Variants in TLN2 observed in about 807,000 individuals in gnomAD.
The protein encoded by TLN2 is talin 2, also known as talin-2.
A neutral mutation model predicts 294.7 loss-of-function variants in TLN2; 118 were observed. The observed-to-expected ratio is 0.40, with a 90% CI of 0.34 to 0.47. The LOEUF (loss-of-function observed/expected upper bound fraction) is 0.47, where lower values mean the gene tolerates loss of function less well. Ranked by LOEUF, TLN2 falls within the 20% of genes least tolerant of loss-of-function variation. The probability of loss-of-function intolerance (pLI) is 0.84; values close to 1 mark genes in which losing one functional copy is unlikely to be tolerated. For synonymous variants in TLN2, 1,431 were observed against 1,304.5 expected, an observed-to-expected ratio of 1.10 and a Z score of -2.09; for missense variants, 3,083 against 3,282.2, an observed-to-expected ratio of 0.94 and a Z score of 1.48.
intron 19 of TLN2, among the ~76,000 whole-genome samples, chr15:62,706,133 C>T (rs931735354): frequency 2.0e-5 from 3 of 152,140 alleles, no homozygotes; most frequent in African/African-American, 4.8e-5. Flanking sequence ...GACTTCTGAC[C>T]GTATTTCCTT....
chr15:62,485,081 A>G (rs1024969162), intron 1 of TLN2, among the ~76,000 whole-genome samples: 1 of 152,114 alleles, frequency 6.6e-6, no homozygotes, highest in African/African-American at 2.4e-5. Context: ...GCTATGTGGT[A>G]TCTCTCTCTG....
chr15:62,701,226 A>G lies in TLN2; in HGVS notation c.1696+12A>G. 1 of 1,606,670 alleles carries G rather than the reference A, an allele frequency of 6.2e-7. No individual in the cohort carries two copies. Among genetic ancestry groups the G allele is most frequent in the Non-Finnish European group, 8.5e-7 (1 of 1,174,358 alleles). On this transcript the variant is annotated intron_variant, in intron 17 of 58. Coordinates refer to ENST00000636159, the MANE Select transcript of TLN2 (RefSeq NM_015059.3). The stretch of plus-strand genomic sequence containing the variant: ...TAACCTCACAGCTGGTAAGTCCCGG[A>G]GAGATTTGTGCTGCATTGGGGTTTT...
intron 51 of TLN2, among the ~76,000 whole-genome samples, chr15:62,808,829 C>T (rs2066473859): frequency 6.6e-6 from 1 of 152,192 alleles, no homozygotes; most frequent in Admixed American, 6.5e-5. Context: ...TGAGGAAAAG[C>T]TGGCTCATAC....
chr15:62,792,862 A>C, intron 46 of TLN2, 75 bp downstream of exon 46: 1 of 1,573,552 alleles, frequency 6.4e-7, no homozygotes, highest in Non-Finnish European at 8.6e-7. Flanking sequence ...TCAAGGACAA[A>C]AGCAGGAAAC....
chr15:62,594,978 A>C (rs2046364258), intron 2 of TLN2, among the ~76,000 whole-genome samples: 1 of 152,258 alleles, frequency 6.6e-6, no homozygotes, highest in African/African-American at 2.4e-5. Flanking sequence ...AAAATGAGCA[A>C]AGAATCTGAA....
At chr15:62,529,768 A>T (rs1206181453) in intron 1 of TLN2, among the ~76,000 whole-genome samples, 1 of 152,242 alleles carries the variant, frequency 6.6e-6, no homozygotes. Flanking sequence ...AAATCTTTGC[A>T]CATAAGTAAA....
intron 51 of TLN2, among the ~76,000 whole-genome samples, chr15:62,806,227 C>T (rs543615195): frequency 2.4e-4 from 36 of 152,110 alleles, no homozygotes; most frequent in Non-Finnish European, 3.2e-4. Flanking sequence ...ATATGGCATA[C>T]GCACCAGCCT....
chr15:62,505,697 G>A (rs1221897971), intron 1 of TLN2, among the ~76,000 whole-genome samples: 1 of 152,170 alleles, frequency 6.6e-6, no homozygotes, highest in Non-Finnish European at 1.5e-5. Flanking sequence ...CCTGTGCTTG[G>A]TTAAGAATTG....
At chr15:62,471,487 T>C (rs1408492016) in intron 1 of TLN2, among the ~76,000 whole-genome samples, 1 of 152,254 alleles carries the variant, frequency 6.6e-6, no homozygotes, top group African/African-American at 2.4e-5. Context: ...TCCAGTGTGC[T>C]ACCCCAGCCG....
intron 1 of TLN2, among the ~76,000 whole-genome samples, chr15:62,510,728 C>T (rs2039886716): frequency 6.6e-6 from 1 of 152,224 alleles, no homozygotes; most frequent in African/African-American, 2.4e-5. Flanking sequence ...TGCCTGGGCA[C>T]CAAGCAGTGC....
At chr15:62,560,183 T>C (rs759738651) in intron 1 of TLN2, among the ~76,000 whole-genome samples, 4 of 152,230 alleles carry the variant, frequency 2.6e-5, no homozygotes, top group Non-Finnish European at 5.9e-5. Flanking sequence ...TCTTACATTA[T>C]TTAAGTATTT....
At chr15:62,625,412 G>A (rs1433929536) in intron 3 of TLN2, among the ~76,000 whole-genome samples, 2 of 152,252 alleles carry the variant, frequency 1.3e-5, no homozygotes, top group African/African-American at 4.8e-5. Flanking sequence ...TTTAGTATCA[G>A]AGACCAAATT....
intron 3 of TLN2, among the ~76,000 whole-genome samples, chr15:62,629,607 C>T (rs139954393): frequency 2.6e-4 from 39 of 152,188 alleles, no homozygotes; most frequent in African/African-American, 8.7e-4. Flanking sequence ...AAGGTAGGGC[C>T]GTATAAGGCT....
At chr15:62,734,972 C>G (rs1044221771) in intron 28 of TLN2, among the ~76,000 whole-genome samples, 6 of 152,216 alleles carry the variant, frequency 3.9e-5, no homozygotes, top group Non-Finnish European at 2.9e-5. Flanking sequence ...CAGCTCAGTC[C>G]TGTAGAAAAC....
intron 28 of TLN2, chr15:62,733,886 G>A (rs1041596789): frequency 1.3e-5 from 2 of 152,218 alleles, no homozygotes; most frequent in African/African-American, 2.4e-5. Flanking sequence ...AGTTCCATTC[G>A]GTGGGTGTTG....
intron 1 of TLN2, among the ~76,000 whole-genome samples, chr15:62,481,721 C>G (rs956975055): frequency 6.6e-6 from 1 of 150,972 alleles, no homozygotes; most frequent in Non-Finnish European, 1.5e-5. Flanking sequence ...ATTTAAAAAA[C>G]TAATATGGAT....
At chr15:62,544,726 C>CTTT (rs11424816) in intron 1 of TLN2, among the ~76,000 whole-genome samples, 5 of 144,904 alleles carry the variant, frequency 3.5e-5, no homozygotes, top group East Asian at 2.0e-4. Flanking sequence ...AGTAGAAAAG[C>CTTT]TTTTTTTTTT....
intron 43 of TLN2, among the ~76,000 whole-genome samples, chr15:62,780,836 C>T (rs766635102): frequency 9.2e-5 from 14 of 152,140 alleles, no homozygotes; most frequent in African/African-American, 3.1e-4. Flanking sequence ...TCTTGGGATG[C>T]CTTTCCCACC....
At chr15:62,588,709 AAATAT>A (rs1172936696) in intron 1 of TLN2, among the ~76,000 whole-genome samples, 1 of 99,674 alleles carries the variant, frequency 1.0e-5, no homozygotes, top group Non-Finnish European at 2.2e-5. Context: ...TATATATATG[AAATAT>A]ACATATGAAG....
Sources: gnomAD v4.1 joint callset for allele counts (sites outside exome capture counted in the v4.1 genomes callset) on GRCh38, gnomAD v4.1.1 for gene constraint, MANE v1.5 for transcripts, NCBI Gene and HGNC (gene_info 2026-07-23, HGNC 2026-07-21) for gene names.